The following VPS4A variants were observed in gnomAD, a reference collection of about 807,000 sequenced individuals.
VPS4A encodes vacuolar protein sorting-associated protein 4A.
A neutral mutation model predicts 52.3 loss-of-function variants in VPS4A; 20 were observed. The observed-to-expected ratio is 0.38, with a 90% CI of 0.27 to 0.56. VPS4A has a LOEUF of 0.56. Among genes scored for constraint, VPS4A ranks in the 20% least tolerant of loss-of-function variants. The pLI is 0.72. For synonymous variants in VPS4A, 293 were observed against 227.7 expected (o/e 1.29, Z -2.58); for missense variants, 419 against 575.9 (o/e 0.73, Z 2.79).
intron 3 of VPS4A, among the ~76,000 whole-genome samples, chr16:69,316,784 A>G (rs775408132): frequency 1.3e-5 from 2 of 152,172 alleles, no homozygotes; most frequent in Non-Finnish European, 2.9e-5. Context: ...AGAGCATGCA[A>G]TGAGTGCCAG....
chr16:69,326,121 C>A lies in VPS4A; in HGVS notation c.*1812C>A, dbSNP rs918383777. Reference sequence around the variant, plus strand: ...TAGCCTGCAAAGGGCTTTGTTCCAACCTTCCCTCTCCAAAACCCAGTACTG... The same window carrying A: ...TAGCCTGCAAAGGGCTTTGTTCCAAACTTCCCTCTCCAAAACCCAGTACTG... On this transcript the variant is annotated 3_prime_UTR_variant, in exon 11 of 11. Coordinates refer to ENST00000254950, the MANE Select transcript of VPS4A (RefSeq NM_013245.3). The A allele has an allele frequency of 6.6e-6, 1 of 152,402 alleles. No individual in the cohort carries two copies. The highest frequency in any genetic ancestry group is 1.5e-5 in the Non-Finnish European group (1 of 68,152). The allele number at this position is 152,402 out of a possible 1,614,324, so 9.4% of individuals were successfully genotyped here.
intron 1 of VPS4A, 89 bp downstream of exon 1, chr16:69,311,621 G>A: frequency 8.3e-7 from 1 of 1,198,230 alleles, no homozygotes; most frequent in Non-Finnish European, 1.1e-6. Flanking sequence ...GTGGTCAGGT[G>A]GGCGCCTCCC....
chr16:69,317,844 C>T (rs1411565208), intron 3 of VPS4A, among the ~76,000 whole-genome samples: 3 of 150,998 alleles, frequency 2.0e-5, no homozygotes, highest in Non-Finnish European at 2.9e-5. Context: ...CCCAGCTACT[C>T]GGGAGGCTGA....
intron 9 of VPS4A, 55 bp from the exon 10 acceptor site, chr16:69,322,505 C>G: frequency 1.3e-6 from 2 of 1,549,322 alleles, no homozygotes; most frequent in South Asian, 2.4e-5. Context: ...CCGGAGGGGT[C>G]GAGCCCCTCT....
chr16:69,320,581 G>A lies in VPS4A; in HGVS notation c.770-107G>A. The A allele has an allele frequency of 1.0e-6, 1 of 995,892 alleles. No individual in the cohort carries two copies. The highest frequency in any genetic ancestry group is 1.5e-6 in the Non-Finnish European group (1 of 666,344). The allele number at this position is 995,892 out of a possible 1,614,324, so 61.7% of individuals were successfully genotyped here. ...ACCCTGCCAGTGGTGGGTGGCACAGGGATGGCTTCAATTGCTGACACACAA... is the reference window on the plus strand; with the variant it reads ...ACCCTGCCAGTGGTGGGTGGCACAGAGATGGCTTCAATTGCTGACACACAA... On this transcript the variant is annotated intron_variant, in intron 7 of 10. Coordinates refer to ENST00000254950, the MANE Select transcript of VPS4A (RefSeq NM_013245.3). The surrounding 1 kb of genome is among the most constrained non-coding windows in gnomAD (Gnocchi z 4.2).
At position 69,321,361 on chromosome 16, in the gene VPS4A, G is replaced by A; in HGVS notation, c.1071+91G>A. ...TCCCAGCTCCTGGTCCTGCTCCCCG[G>A]CTGCTCAGGTGACACAGTCTCTGAG... is the stretch of plus-strand genomic sequence containing the variant. On this transcript the variant is annotated intron_variant, in intron 9 of 10. Coordinates refer to ENST00000254950, the MANE Select transcript of VPS4A (RefSeq NM_013245.3). This position sits in a 1 kb window ranked among gnomAD's most constrained non-coding sequence, Gnocchi z 4.5. The A allele has an allele frequency of 2.8e-6, 4 of 1,408,650 alleles. No individual in the cohort carries two copies. The South Asian group carries it at 5.2e-5, about 18-fold the overall frequency. The allele number at this position is 1,408,650 out of a possible 1,614,324, so 87.3% of individuals were successfully genotyped here.
At chr16:69,322,845 A>G (rs2143269497) in intron 10 of VPS4A, 145 bp downstream of exon 10, 3 of 1,030,356 alleles carry the variant, frequency 2.9e-6, no homozygotes, top group Non-Finnish European at 4.1e-6. Flanking sequence ...CAGGGTGGGC[A>G]GATCACAAGG....
rs890199732 is a variant in VPS4A at position 69,324,714 on chromosome 16, C to T, written c.*405C>T. 1.4e-5 allele frequency: 3 copies of T among 210,572 alleles called. No homozygotes were observed. Among genetic ancestry groups the T allele is most frequent in the Non-Finnish European group, 3.0e-5 (3 of 100,640 alleles). 13.0% of individuals were successfully genotyped at this position (210,572 alleles called of 1,614,324 possible). On this transcript the variant is annotated 3_prime_UTR_variant, in exon 11 of 11. Coordinates refer to ENST00000254950, the MANE Select transcript of VPS4A (RefSeq NM_013245.3). ...AGCCGTGCTGCCAGGTCACCCAGAC[C>T]TCCAGACAGCCGGCTAGCCCCACTG...
chr16:69,324,297 G>C lies in VPS4A; in HGVS notation c.1302G>C (p.Gly434=), dbSNP rs1262487039. 1.2e-6 allele frequency: 2 copies of C among 1,613,784 alleles called. No homozygotes were observed. The highest frequency in any genetic ancestry group is 1.7e-5 in the Admixed American group (1 of 59,998). ...TGAAGAAATTCTCAGAGGACTTTGG[G>C]CAAGAGAGTTAAAAGCTGCTTCACT... ...LKVKKFSEDF[G]QES Residue 434 remains glycine (G), a synonymous_variant, in exon 11 of 11, where the codon GGG becomes GGC. Coordinates refer to ENST00000254950, the MANE Select transcript of VPS4A (RefSeq NM_013245.3).
chr16:69,313,689 T>C (rs1490121490), intron 1 of VPS4A, among the ~76,000 whole-genome samples: 1 of 152,240 alleles, frequency 6.6e-6, no homozygotes, highest in African/African-American at 2.4e-5. Flanking sequence ...ATTGATATAC[T>C]GTCTACAGCT....
chr16:69,320,158 TTGAGCTGGCCAGGCAGCACAAGCCC>T lies in VPS4A; in HGVS notation c.640_664del (p.Glu214ProfsTer125). 1.9e-6 allele frequency: 3 copies of T among 1,613,740 alleles called. No individual in the cohort carries two copies. Among genetic ancestry groups the T allele is most frequent in the Non-Finnish European group, 2.5e-6 (3 of 1,179,724 alleles). Reference sequence around the variant, plus strand: ...CTTCACAGGCTGGTCAAGAACCTGTTTGAGCTGGCCAGGCAGCACAAGCCCTCCATCATCTTCATCGATGAGGTGG... The same window carrying T: ...CTTCACAGGCTGGTCAAGAACCTGTTTCCATCATCTTCATCGATGAGGTGG... On this transcript the variant is annotated frameshift_variant, in exon 7 of 11. Transcript: ENST00000254950. LOFTEE classifies it high-confidence loss of function. The surrounding 1 kb of genome is among the most constrained non-coding windows in gnomAD (Gnocchi z 4.2).
In VPS4A at chr16:69,324,586, C is replaced by G. The variant is rs891773756; in HGVS notation, c.*277C>G. On this transcript the variant is annotated 3_prime_UTR_variant, in exon 11 of 11. Coordinates refer to ENST00000254950, the MANE Select transcript of VPS4A (RefSeq NM_013245.3). ...CTGCCTCCCCCCCTTTTTTTTCCATCTTTTGTTCCCCTAAATTAATGCTGC... is the reference window on the plus strand; with the variant it reads ...CTGCCTCCCCCCCTTTTTTTTCCATGTTTTGTTCCCCTAAATTAATGCTGC... The G allele has an allele frequency of 2.5e-6, 1 of 407,910 alleles. No homozygotes were observed. Among genetic ancestry groups the G allele is most frequent in the African/African-American group, 2.0e-5 (1 of 50,092 alleles). The allele number at this position is 407,910 out of a possible 1,614,324, so 25.3% of individuals were successfully genotyped here.
chr16:69,315,919 C>A, intron 1 of VPS4A, 89 bp from the exon 2 acceptor site: 1 of 1,096,562 alleles, frequency 9.1e-7, no homozygotes, highest in South Asian at 1.4e-5. Context: ...CCAGCGGCAT[C>A]CCTCGTCACG....
intron 1 of VPS4A, among the ~76,000 whole-genome samples, chr16:69,315,422 G>A (rs1965423924): frequency 6.6e-6 from 1 of 152,158 alleles, no homozygotes; most frequent in East Asian, 1.9e-4. Context: ...CCCTTCCCAG[G>A]GTGTCACTTT....
intron 5 of VPS4A, among the ~76,000 whole-genome samples, chr16:69,319,159 C>T (rs567872593): frequency 1.4e-4 from 22 of 152,218 alleles, no homozygotes; most frequent in African/African-American, 4.6e-4. Context: ...CAGTGCCAGC[C>T]GGTGTCACTG....
intron 3 of VPS4A, 103 bp downstream of exon 3, chr16:69,316,475 C>T (rs1965438402): frequency 1.0e-5 from 15 of 1,484,216 alleles, no homozygotes; most frequent in Non-Finnish European, 1.4e-5. Flanking sequence ...GAATGGTCCT[C>T]ATAGTGCAGG....
intron 1 of VPS4A, 134 bp from the exon 2 acceptor site, chr16:69,315,874 C>T: frequency 1.4e-6 from 1 of 703,858 alleles, no homozygotes; most frequent in East Asian, 2.7e-5. Flanking sequence ...AAAAGTAGGC[C>T]AATGAAATGG....
Position 69,311,415 on chromosome 16 carries a change from C to A in VPS4A, c.-97C>A. The A allele has an allele frequency of 1.7e-6, 2 of 1,208,752 alleles. No individual in the cohort carries two copies. Among genetic ancestry groups the A allele is most frequent in the South Asian group, 4.1e-5 (1 of 24,474 alleles). The allele number at this position is 1,208,752 out of a possible 1,614,324, so 74.9% of individuals were successfully genotyped here. On this transcript the variant is annotated 5_prime_UTR_variant, in exon 1 of 11. Coordinates refer to ENST00000254950, the MANE Select transcript of VPS4A (RefSeq NM_013245.3). ...CGCGCACCGCGCTCAGCGCCCACCG[C>A]CGGGCTTCCCGCGCCGGACCCAGTA...
chr16:69,312,708 G>A (rs972772621), intron 1 of VPS4A, among the ~76,000 whole-genome samples: 4 of 152,146 alleles, frequency 2.6e-5, no homozygotes, highest in East Asian at 1.9e-4. Context: ...TGCCTCTCAG[G>A]TTCAAGCGAT....
Sources: gnomAD v4.1 joint callset for allele counts (sites outside exome capture counted in the v4.1 genomes callset) on GRCh38, gnomAD v4.1.1 for gene constraint, Gnocchi (gnomAD v3.1) non-coding constraint, MANE v1.5 for transcripts, NCBI Gene and HGNC (gene_info 2026-07-23, HGNC 2026-07-21) for gene names.